Variants in ASTN2 observed in about 807,000 individuals in gnomAD.
The protein encoded by ASTN2 is astrotactin-2.
In ASTN2, 54 loss-of-function variants were observed where a neutral mutation model predicts 139.8. The ratio of observed to expected loss-of-function variants is 0.39; its 90% CI spans 0.31 to 0.48. The LOEUF (loss-of-function observed/expected upper bound fraction) is 0.48, where lower values mean the gene tolerates loss of function less well. Ranked by LOEUF, ASTN2 falls within the 20% of genes least tolerant of loss-of-function variation. ASTN2 has a pLI of 0.95. For missense variants in ASTN2, 1,565 were observed against 1,725.1 expected, an observed-to-expected ratio of 0.91 and a Z score of 1.64; for synonymous variants, 756 against 719.5, an observed-to-expected ratio of 1.05 and a Z score of -0.81.
chr9:116,918,357 T>A (rs1283622103), intron 10 of ASTN2, among the ~76,000 whole-genome samples: 1 of 152,038 alleles, frequency 6.6e-6, no homozygotes, highest in Non-Finnish European at 1.5e-5. Context: ...TCATAGACAA[T>A]GAAATTTCCT....
intron 16 of ASTN2, among the ~76,000 whole-genome samples, chr9:116,656,581 T>G (rs1858224888): frequency 6.6e-6 from 1 of 151,442 alleles, no homozygotes; most frequent in South Asian, 2.1e-4. Context: ...TCAAGCCCAA[T>G]TCAGTTCCAA....
At chr9:117,264,881 AG>A (rs2133114696) in intron 2 of ASTN2, among the ~76,000 whole-genome samples, 1 of 152,268 alleles carries the variant, frequency 6.6e-6, no homozygotes, top group East Asian at 1.9e-4. Context: ...GGAGGAATGA[AG>A]ATGTTTGTAA....
At chr9:116,594,147 T>C (rs1187197887) in intron 19 of ASTN2, among the ~76,000 whole-genome samples, 4 of 152,184 alleles carry the variant, frequency 2.6e-5, no homozygotes, top group African/African-American at 9.7e-5. Context: ...AGAGAAGACA[T>C]AATCTAGCTT....
At chr9:116,697,589 C>A in intron 16 of ASTN2, 2 of 965,566 alleles carry the variant, frequency 2.1e-6, no homozygotes, top group Non-Finnish European at 3.1e-6. Context: ...CATAGCTATT[C>A]TCTAAATGTT....
At chr9:117,282,897 G>A (rs10759911) in intron 2 of ASTN2, among the ~76,000 whole-genome samples, 56,815 of 137,338 alleles carry the variant, frequency 0.41, 13,060 homozygotes, top group East Asian at 0.57. Flanking sequence ...ACAAGCAAGA[G>A]CTGACTAGCC....
rs1401185931 is a variant in ASTN2 at position 116,975,290 on chromosome 9, C to T, written c.1807G>A (p.Val603Ile). Residue 603 changes from valine (V) to isoleucine (I), a missense_variant, in exon 10 of 23, where the codon GTT (valine) becomes ATT (isoleucine). Physicochemically the swap from Val to Ile is conservative, Grantham distance 29. This residue lies in a region of ASTN2 where 503 missense variants were observed against 591.7 expected (regional missense o/e 0.85). Coordinates refer to ENST00000313400, the MANE Select transcript of ASTN2 (RefSeq NM_001365068.1). Reference protein sequence around the residue: ...LWLPVSKSFVVPPVELSINPL... With the variant: ...LWLPVSKSFVIPPVELSINPL... Reference sequence around the variant, plus strand: ...TTGATGGACAGCTCCACAGGCGGAACCACAAAGCTTTTGCTGACAGGAAGC... The same window carrying T: ...TTGATGGACAGCTCCACAGGCGGAATCACAAAGCTTTTGCTGACAGGAAGC... The T allele has an allele frequency of 1.9e-6, 3 of 1,613,468 alleles. No homozygotes were observed. The East Asian group carries it at 6.7e-5, about 36-fold the overall frequency.
intron 16 of ASTN2, among the ~76,000 whole-genome samples, chr9:116,652,544 A>G (rs803912): frequency 0.57 from 86,871 of 151,918 alleles, 25,373 homozygotes; most frequent in East Asian, 0.87. Context: ...ATATTACAAG[A>G]AAAACACAAG....
At chr9:116,921,011 G>T (rs762430551) in intron 10 of ASTN2, among the ~76,000 whole-genome samples, 1 of 152,166 alleles carries the variant, frequency 6.6e-6, no homozygotes, top group Non-Finnish European at 1.5e-5. Flanking sequence ...CTAGCTCACC[G>T]TTCTACAGGC....
chr9:116,906,317 T>G (rs1476966099), intron 10 of ASTN2, among the ~76,000 whole-genome samples: 1 of 152,110 alleles, frequency 6.6e-6, no homozygotes, highest in African/African-American at 2.4e-5. Flanking sequence ...TTTTGTTCAA[T>G]GTTAGGGAAA....
chr9:116,597,299 A>ATTTTTGTTTTTTTTTTTTTTTTT lies in ASTN2; in HGVS notation c.3355+21024_3355+21025insAAAAAAAAAAAAAAAAACAAAAA, dbSNP rs1554718677. Among the ~76,000 whole-genome samples, 17 of 75,530 alleles carry ATTTTTGTTTTTTTTTTTTTTTTT rather than the reference A, an allele frequency of 2.3e-4. 3 individuals are homozygous for ATTTTTGTTTTTTTTTTTTTTTTT. Among genetic ancestry groups the ATTTTTGTTTTTTTTTTTTTTTTT allele is most frequent in the South Asian group, 1.3e-3 (2 of 1,554 alleles). 49.6% of individuals were successfully genotyped at this position (75,530 alleles called of 152,430 possible). On this transcript the variant is annotated intron_variant, in intron 19 of 22. Coordinates refer to ENST00000313400, the MANE Select transcript of ASTN2 (RefSeq NM_001365068.1). Reference sequence around the variant, plus strand: ...CAAAATATTCCATGACTTTTGATCTATTTTTTTTTTTTTTTTTTTTTTTTG... The same window carrying ATTTTTGTTTTTTTTTTTTTTTTT: ...CAAAATATTCCATGACTTTTGATCTATTTTTGTTTTTTTTTTTTTTTTTTTTTTTTTTTTTTTTTTTTTTTTTG...
chr9:117,223,082 A>G (rs1286502275), intron 2 of ASTN2, among the ~76,000 whole-genome samples: 1 of 152,240 alleles, frequency 6.6e-6, no homozygotes, highest in African/African-American at 2.4e-5. Context: ...ACTTTTAGAC[A>G]CTGAGGATCT....
chr9:116,669,806 TGTA>T (rs1337146404), intron 16 of ASTN2, among the ~76,000 whole-genome samples: 1 of 124,494 alleles, frequency 8.0e-6, no homozygotes, highest in African/African-American at 3.5e-5. Context: ...CCTTATGTAT[TGTA>T]TTTTTTTTTT....
chr9:116,491,094 GA>G (rs1480174454), intron 19 of ASTN2, among the ~76,000 whole-genome samples: 3 of 152,166 alleles, frequency 2.0e-5, no homozygotes, highest in Non-Finnish European at 2.9e-5. Context: ...TCAAGTGAAG[GA>G]ACTGGCTCAC....
Position 117,414,630 on chromosome 9 carries a change from CGCGGCG to C in ASTN2, c.303_308del (p.Ala102_Ala103del), listed in dbSNP as rs562054248. 1.2e-5 allele frequency: 17 copies of C among 1,436,492 alleles called. No homozygotes were observed. Among genetic ancestry groups the C allele is most frequent in the Middle Eastern group, 2.6e-4 (1 of 3,832 alleles). 89.0% of individuals were successfully genotyped at this position (1,436,492 alleles called of 1,614,324 possible). A position where few individuals can be genotyped will look rare whatever the true frequency, so the allele number is the denominator to read the frequency against. On this transcript the variant is annotated inframe_deletion, in exon 1 of 23. Coordinates refer to ENST00000313400, the MANE Select transcript of ASTN2 (RefSeq NM_001365068.1). The surrounding 1 kb of genome is among the most constrained non-coding windows in gnomAD (Gnocchi z 4.2). ...CGGCAGAGCCAGGAGAGCCCGGGGA[CGCGGCG>C]GCGGCGGCGGCTCCGGCCCCGGTCC... is the stretch of plus-strand genomic sequence containing the variant.
At chr9:116,880,074 G>A (rs945818700) in intron 10 of ASTN2, among the ~76,000 whole-genome samples, 6 of 151,856 alleles carry the variant, frequency 4.0e-5, no homozygotes, top group African/African-American at 1.2e-4. Context: ...TAAATTCAAA[G>A]CAATAATGAG....
chr9:117,028,162 C>T (rs1838150007), intron 6 of ASTN2, among the ~76,000 whole-genome samples: 1 of 152,124 alleles, frequency 6.6e-6, no homozygotes, highest in Non-Finnish European at 1.5e-5. Context: ...TACAGACTCA[C>T]TGATAAAGTT....
chr9:117,168,631 ATCC>A (rs957852041), intron 3 of ASTN2, among the ~76,000 whole-genome samples: 3 of 152,164 alleles, frequency 2.0e-5, no homozygotes, highest in African/African-American at 7.2e-5. Context: ...CCTGTAATCA[ATCC>A]AGGGACCTCA....
intron 16 of ASTN2, among the ~76,000 whole-genome samples, chr9:116,718,604 A>G (rs1828379005): frequency 1.3e-5 from 2 of 152,134 alleles, no homozygotes; most frequent in South Asian, 4.1e-4. Flanking sequence ...GACTAAGCAG[A>G]TTGTCCTCCT....
intron 6 of ASTN2, among the ~76,000 whole-genome samples, chr9:117,018,668 G>C (rs1474181302): frequency 1.3e-5 from 2 of 152,168 alleles, no homozygotes; most frequent in African/African-American, 4.8e-5. Context: ...TTCATCATTT[G>C]AGTGACCCTG....
Sources: allele counts gnomAD v4.1 joint callset (sites outside exome capture counted in the v4.1 genomes callset), GRCh38; gene constraint gnomAD v4.1.1; regional missense constraint gnomAD v4.1.1; non-coding constraint Gnocchi (gnomAD v3.1); transcripts MANE v1.5; gene names NCBI Gene and HGNC (gene_info 2026-07-23, HGNC 2026-07-21).